CA10: variants seen among roughly 807,000 people sequenced by gnomAD.
CA10 encodes carbonic anhydrase 10 (inactive), also known as carbonic anhydrase-related protein 10.
CA10 carries 14 observed loss-of-function variants against 44.2 expected under a neutral mutation model. That is an observed-to-expected ratio of 0.32 (90% CI 0.21 to 0.50). CA10 has a LOEUF of 0.50. CA10 is among the 20% of genes least tolerant of loss of function. CA10 has a pLI of 0.99. For synonymous variants in CA10, 159 were observed against 141.6 expected, an observed-to-expected ratio of 1.12 and a Z score of -0.87; for missense variants, 350 against 409.7, an observed-to-expected ratio of 0.85 and a Z score of 1.26.
intron 3 of CA10, among the ~76,000 whole-genome samples, chr17:51,759,486 TTAATA>T (rs1358927273): frequency 8.1e-6 from 1 of 123,390 alleles, no homozygotes; most frequent in African/African-American, 2.5e-5. Context: ...TAATCTATAT[TTAATA>T]TATTTATTTT....
intron 3 of CA10, among the ~76,000 whole-genome samples, chr17:51,827,545 G>T (rs2143776203): frequency 6.6e-6 from 1 of 152,310 alleles, no homozygotes; most frequent in African/African-American, 2.4e-5. Flanking sequence ...TAGAGCTTTA[G>T]GGACATATTT....
At chr17:52,156,169 A>C (rs930530206) in intron 1 of CA10, among the ~76,000 whole-genome samples, 7 of 152,242 alleles carry the variant, frequency 4.6e-5, no homozygotes, top group Admixed American at 2.0e-4. Context: ...TTTTATAACT[A>C]GTCAAATATT....
At chr17:51,823,223 G>T (rs886090966) in intron 3 of CA10, among the ~76,000 whole-genome samples, 2 of 152,194 alleles carry the variant, frequency 1.3e-5, no homozygotes, top group African/African-American at 2.4e-5. Context: ...TTAGCGAAAT[G>T]CCCAGGCGGT....
At chr17:51,929,185 C>T (rs566557483) in intron 3 of CA10, among the ~76,000 whole-genome samples, 1 of 151,612 alleles carries the variant, frequency 6.6e-6, no homozygotes, top group East Asian at 1.9e-4. Context: ...CTCCCAATCT[C>T]TTCTTTCCCA....
At chr17:52,091,503 C>T (rs1988265317) in intron 1 of CA10, among the ~76,000 whole-genome samples, 1 of 152,098 alleles carries the variant, frequency 6.6e-6, no homozygotes, top group Non-Finnish European at 1.5e-5. Flanking sequence ...ATTTCTCACT[C>T]CCGCACATTG....
intron 3 of CA10, among the ~76,000 whole-genome samples, chr17:51,799,392 C>T (rs1906840698): frequency 6.6e-6 from 1 of 152,130 alleles, no homozygotes; most frequent in Non-Finnish European, 1.5e-5. Flanking sequence ...GCTAAACTCA[C>T]TTTGTTTGCT....
intron 8 of CA10, among the ~76,000 whole-genome samples, chr17:51,632,627 T>A (rs1802347426): frequency 6.6e-6 from 1 of 152,142 alleles, no homozygotes; most frequent in Non-Finnish European, 1.5e-5. Context: ...ATAGGAACTG[T>A]CACGAAGAAG....
rs972689871 is a variant in CA10, at chr17:51,840,517, G to A, written c.279+90473C>T. On this transcript the variant is annotated intron_variant, in intron 3 of 8. Transcript: ENST00000451037. Reference sequence around the variant, plus strand: ...CACACACACACACACACACACACACGTACTATAGTTTCTTATATCTATAAT... The same window carrying A: ...CACACACACACACACACACACACACATACTATAGTTTCTTATATCTATAAT... Among the ~76,000 whole-genome samples, 43 of 139,130 alleles carry A rather than the reference G, an allele frequency of 3.1e-4. 1 individual carries two copies. Among genetic ancestry groups the A allele is most frequent in the South Asian group, 2.4e-4 (1 of 4,188 alleles). 91.3% of individuals were successfully genotyped at this position (139,130 alleles called of 152,430 possible). A position where few individuals can be genotyped will look rare whatever the true frequency, so the allele number is the denominator to read the frequency against.
At chr17:52,013,869 T>C (rs1470846577) in intron 2 of CA10, among the ~76,000 whole-genome samples, 1 of 151,994 alleles carries the variant, frequency 6.6e-6, no homozygotes, top group East Asian at 1.9e-4. Flanking sequence ...ATAGCCATAG[T>C]TTCCCCATTC....
chr17:52,019,029 A>G (rs1273509259), intron 2 of CA10, among the ~76,000 whole-genome samples: 1 of 151,990 alleles, frequency 6.6e-6, no homozygotes, highest in Non-Finnish European at 1.5e-5. Context: ...GCTTGCTCCC[A>G]CTTTCCTTCC....
chr17:52,125,601 T>C (rs1989102158), intron 1 of CA10, among the ~76,000 whole-genome samples: 1 of 152,182 alleles, frequency 6.6e-6, no homozygotes, highest in Non-Finnish European at 1.5e-5. Flanking sequence ...AAGCTGCACT[T>C]GTCCAAATCA....
intron 3 of CA10, among the ~76,000 whole-genome samples, chr17:51,798,890 C>T (rs943526049): frequency 7.2e-5 from 11 of 152,208 alleles, no homozygotes; most frequent in South Asian, 2.1e-4. Context: ...GCCAACTCTG[C>T]GCATCACCAA....
At position 51,933,132 on chromosome 17, in the gene CA10, G is replaced by A. The variant is rs146499367; in HGVS notation, c.137-2000C>T. 7.4e-4 allele frequency among the ~76,000 whole-genome samples: 113 copies of A among 152,264 alleles called. No individual in the cohort carries two copies. The East Asian group carries it at 0.021, about 29-fold the overall frequency. ...CCCTTGGACCTTCTTCATGGTTCCT[G>A]TGGTAGGCCGAATGGCTCTCCACCA... is the stretch of plus-strand genomic sequence containing the variant. On this transcript the variant is annotated intron_variant, in intron 2 of 8. Transcript: ENST00000451037.
chr17:51,786,282 T>C (rs1020802535), intron 3 of CA10, among the ~76,000 whole-genome samples: 4 of 151,744 alleles, frequency 2.6e-5, no homozygotes, highest in African/African-American at 4.8e-5. Context: ...GAGGACGCAT[T>C]GGCTCGTGGC....
chr17:51,710,765 T>C (rs930551161), intron 4 of CA10, among the ~76,000 whole-genome samples: 3 of 151,860 alleles, frequency 2.0e-5, no homozygotes, highest in African/African-American at 7.3e-5. Flanking sequence ...AGGTTGCAAG[T>C]CCTCCCTGTG....
At chr17:51,824,049 C>T (rs1907918708) in intron 3 of CA10, among the ~76,000 whole-genome samples, 1 of 151,974 alleles carries the variant, frequency 6.6e-6, no homozygotes, top group South Asian at 2.1e-4. Flanking sequence ...CTCTCTCAAA[C>T]TAAGATGAAA....
intron 3 of CA10, among the ~76,000 whole-genome samples, chr17:51,849,733 A>G (rs1169152400): frequency 6.6e-6 from 1 of 152,154 alleles, no homozygotes; most frequent in Non-Finnish European, 1.5e-5. Flanking sequence ...AACTTGATGG[A>G]AGGAAGTACA....
At chr17:51,691,323 T>C (rs1267995952) in intron 4 of CA10, among the ~76,000 whole-genome samples, 1 of 152,238 alleles carries the variant, frequency 6.6e-6, no homozygotes, top group Non-Finnish European at 1.5e-5. Context: ...CATTTGATGA[T>C]TAGGGATGTT....
intron 2 of CA10, among the ~76,000 whole-genome samples, chr17:52,068,138 C>A (rs569375118): frequency 6.6e-6 from 1 of 152,168 alleles, no homozygotes; most frequent in East Asian, 1.9e-4. Context: ...GAATTATAAT[C>A]CCCATAATAT....
Sources: allele counts gnomAD v4.1 joint callset (sites outside exome capture counted in the v4.1 genomes callset), GRCh38; gene constraint gnomAD v4.1.1; transcripts MANE v1.5; gene names NCBI Gene and HGNC (gene_info 2026-07-23, HGNC 2026-07-21).